Variants in CPM observed in about 807,000 individuals in gnomAD.
CPM encodes renal carboxypeptidase.
A neutral mutation model predicts 46.4 loss-of-function variants in CPM; 35 were observed. The observed-to-expected ratio is 0.75, with a 90% CI of 0.58 to 1.00. The LOEUF (loss-of-function observed/expected upper bound fraction) is 1.00, where lower values mean the gene tolerates loss of function less well. CPM is among the 50% of genes least tolerant of loss of function. The probability of loss-of-function intolerance (pLI) is 0.00; values close to 1 mark genes in which losing one functional copy is unlikely to be tolerated. For synonymous variants in CPM, 195 were observed against 195.3 expected, an observed-to-expected ratio of 1.00 and a Z score of 0.01; for missense variants, 422 against 530.4, an observed-to-expected ratio of 0.80 and a Z score of 2.01.
At chr12:68,914,263 C>G (rs1294073386) in intron 2 of CPM, among the ~76,000 whole-genome samples, 1 of 152,166 alleles carries the variant, frequency 6.6e-6, no homozygotes, top group Non-Finnish European at 1.5e-5. Flanking sequence ...CCCCCACCCC[C>G]AGGTTCCAGT....
chr12:68,907,295 A>AT (rs1212866813), intron 2 of CPM, among the ~76,000 whole-genome samples: 1 of 152,222 alleles, frequency 6.6e-6, no homozygotes, highest in Non-Finnish European at 1.5e-5. Flanking sequence ...TGGAGGGCAC[A>AT]TTATTAGGGT....
chr12:68,956,380 A>G (rs1889018734), intron 1 of CPM, among the ~76,000 whole-genome samples: 1 of 152,162 alleles, frequency 6.6e-6, no homozygotes, highest in Non-Finnish European at 1.5e-5. Flanking sequence ...GAGGGCAGGG[A>G]TCCCATCCCG....
chr12:68,893,699 A>G (rs1296143817), intron 2 of CPM, among the ~76,000 whole-genome samples: 6 of 152,218 alleles, frequency 3.9e-5, no homozygotes, highest in African/African-American at 1.4e-4. Flanking sequence ...GCTTCCCAAA[A>G]TGGAATGAGA....
At chr12:68,886,618 C>T (rs528099121) in intron 2 of CPM, among the ~76,000 whole-genome samples, 21 of 152,132 alleles carry the variant, frequency 1.4e-4, no homozygotes, top group African/African-American at 4.1e-4. Context: ...GGCGACAGAG[C>T]GAGACTCCGT....
At chr12:68,951,759 G>A (rs558171919) in intron 1 of CPM, among the ~76,000 whole-genome samples, 40 of 152,284 alleles carry the variant, frequency 2.6e-4, no homozygotes, top group African/African-American at 8.7e-4. Flanking sequence ...CCAGGAGCCC[G>A]GGGGCCTCAT....
chr12:68,870,461 T>C lies in CPM; in HGVS notation c.432-62A>G, dbSNP rs562344457. ...GGCATGAGGGAGTGGATTCTTACAG[T>C]GTCTTGCCCTTTGGTTTAGGCTCCA... is the stretch of plus-strand genomic sequence containing the variant. On this transcript the variant is annotated intron_variant, in intron 4 of 8. Coordinates refer to ENST00000551568, the MANE Select transcript of CPM (RefSeq NM_198320.5). The C allele has an allele frequency of 4.3e-5, 62 of 1,449,786 alleles. No individual in the cohort carries two copies. The African/African-American group carries it at 8.6e-4, about 20-fold the overall frequency. 89.8% of individuals were successfully genotyped at this position (1,449,786 alleles called of 1,614,324 possible). A position where few individuals can be genotyped will look rare whatever the true frequency, so the allele number is the denominator to read the frequency against.
At chr12:68,867,458 C>G (rs528279238) in intron 6 of CPM, among the ~76,000 whole-genome samples, 1 of 152,264 alleles carries the variant, frequency 6.6e-6, no homozygotes, top group East Asian at 1.9e-4. Flanking sequence ...AATACACTTA[C>G]TAAGCAAAGC....
At chr12:68,922,567 G>A (rs74099497) in intron 2 of CPM, among the ~76,000 whole-genome samples, 4,686 of 151,612 alleles carry the variant, frequency 0.031, 231 homozygotes, top group African/African-American at 0.11. Flanking sequence ...GGGTAAGTGC[G>A]TGATAACTCT....
chr12:68,945,937 C>T (rs1195737), intron 1 of CPM, among the ~76,000 whole-genome samples: 91,383 of 147,746 alleles, frequency 0.62, 29,090 homozygotes, highest in African/African-American at 0.79. Context: ...ACTGAAGCCT[C>T]GACCTCTAGG....
At chr12:68,896,531 T>C (rs1303525023) in intron 2 of CPM, among the ~76,000 whole-genome samples, 2 of 152,138 alleles carry the variant, frequency 1.3e-5, no homozygotes, top group Non-Finnish European at 2.9e-5. Context: ...CCGAGTCACC[T>C]TTGGTCCGGG....
rs1433472389 is a variant in CPM at position 68,928,560 on chromosome 12, A to G, written c.160+4118T>C. Among the ~76,000 whole-genome samples, 2 of 152,340 alleles carry G rather than the reference A, an allele frequency of 1.3e-5. 1 individual carries two copies. The highest frequency in any genetic ancestry group is 4.1e-4 in the South Asian group (2 of 4,822). ...GGATAAGGCCTACTTTGAGTTGCTG[A>G]GATCGAAATAATGTCTTAAACTATT... On this transcript the variant is annotated intron_variant, in intron 2 of 8. Transcript: ENST00000551568.
In CPM at chr12:68,867,038, T is replaced by C; in HGVS notation, c.798A>G (p.Gln266=). ...YSWYPLQGGM[Q]DYNYIWAQCF... is the part of the protein sequence containing the mutation. ...ACTGGGCCCAGATGTAGTTGTAATC[T>C]TGCATTCCACCTAAACACAAGCATA... The change falls in exon 7 of 9, where the codon CAA becomes CAG. Residue 266 remains glutamine, a synonymous_variant. Transcript: ENST00000551568. 6.2e-7 allele frequency: 1 copy of C among 1,614,000 alleles called. No individual in the cohort carries two copies. The highest frequency in any genetic ancestry group is 8.5e-7 in the Non-Finnish European group (1 of 1,179,980).
chr12:68,858,677 G>A (rs912042659), intron 8 of CPM, among the ~76,000 whole-genome samples: 1 of 150,466 alleles, frequency 6.6e-6, no homozygotes, highest in Non-Finnish European at 1.5e-5. Context: ...CAAGAGATAG[G>A]ATTTGGCTTC....
intron 2 of CPM, among the ~76,000 whole-genome samples, chr12:68,926,029 A>G (rs577805121): frequency 6.6e-6 from 1 of 152,046 alleles, no homozygotes; most frequent in Non-Finnish European, 1.5e-5. Flanking sequence ...CAATCCTCCC[A>G]CCTCAGCCTC....
At chr12:68,950,477 A>AT (rs1044189410) in intron 1 of CPM, among the ~76,000 whole-genome samples, 4 of 152,096 alleles carry the variant, frequency 2.6e-5, no homozygotes, top group Admixed American at 6.6e-5. Context: ...GTTTCCCTGA[A>AT]TTTTTTTCCC....
intron 1 of CPM, 71 bp downstream of exon 1, chr12:68,933,071 C>T (rs1463271571): frequency 1.1e-5 from 5 of 449,100 alleles, no homozygotes; most frequent in African/African-American, 1.0e-4. Flanking sequence ...TCCCTCTCCT[C>T]CTCCTCCTGG....
chr12:68,938,133 G>A (rs1888700891), upstream of CPM, among the ~76,000 whole-genome samples: 1 of 152,198 alleles, frequency 6.6e-6, no homozygotes, highest in African/African-American at 2.4e-5. Flanking sequence ...AATGAGAACA[G>A]TATAACTAGA....
At chr12:68,918,220 C>G (rs183705171) in intron 2 of CPM, among the ~76,000 whole-genome samples, 18 of 152,306 alleles carry the variant, frequency 1.2e-4, no homozygotes, top group Admixed American at 1.2e-3. Context: ...GGCTCCTCTA[C>G]TCTATCAGAC....
At chr12:68,908,417 C>A in intron 2 of CPM, among the ~76,000 whole-genome samples, 1 of 145,922 alleles carries the variant, frequency 6.9e-6, no homozygotes, top group African/African-American at 2.5e-5. Context: ...TTTTTCTCAT[C>A]ACTTTCTCTT....
Sources: allele counts gnomAD v4.1 joint callset (sites outside exome capture counted in the v4.1 genomes callset), GRCh38; gene constraint gnomAD v4.1.1; transcripts MANE v1.5; gene names NCBI Gene and HGNC (gene_info 2026-07-23, HGNC 2026-07-21).